Variants in UCHL3 observed in about 807,000 individuals in gnomAD.
The protein encoded by UCHL3 is ubiquitin C-terminal hydrolase L3, also known as ubiquitin carboxyl-terminal hydrolase isozyme L3.
A neutral mutation model predicts 35.8 loss-of-function variants in UCHL3; 22 were observed. The ratio of observed to expected loss-of-function variants is 0.61; its 90% CI spans 0.44 to 0.88. The LOEUF is 0.88. Among genes scored for constraint, UCHL3 ranks in the 40% least tolerant of loss-of-function variants. The pLI is 0.00. For synonymous variants in UCHL3, 90 were observed against 92.8 expected (o/e 0.97, Z 0.17); for missense variants, 229 against 276.9 (o/e 0.83, Z 1.23).
intron 2 of UCHL3, among the ~76,000 whole-genome samples, chr13:75,550,217 C>T (rs1016200033): frequency 6.6e-6 from 1 of 152,214 alleles, no homozygotes; most frequent in African/African-American, 2.4e-5. Flanking sequence ...GCAGTCACCA[C>T]GTATCTTGGG....
At chr13:75,571,227 A>G (rs1490315879) in intron 6 of UCHL3, among the ~76,000 whole-genome samples, 1 of 152,216 alleles carries the variant, frequency 6.6e-6, no homozygotes, top group Non-Finnish European at 1.5e-5. Context: ...GCTTTAATAC[A>G]TATTCACTAC....
chr13:75,579,031 G>T (rs890160489), intron 6 of UCHL3, among the ~76,000 whole-genome samples: 22 of 152,032 alleles, frequency 1.4e-4, no homozygotes, highest in African/African-American at 5.1e-4. Context: ...CTGAAGTATA[G>T]TTTTTAGTTA....
At chr13:75,600,610 G>C (rs551842647) in intron 7 of UCHL3, among the ~76,000 whole-genome samples, 1 of 152,322 alleles carries the variant, frequency 6.6e-6, no homozygotes, top group South Asian at 2.1e-4. Flanking sequence ...GCCCTCTGTT[G>C]AGACGTACTG....
chr13:75,580,503 A>G (rs1200059297), intron 6 of UCHL3, among the ~76,000 whole-genome samples: 1 of 152,118 alleles, frequency 6.6e-6, no homozygotes, highest in African/African-American at 2.4e-5. Context: ...GATGTTCCCA[A>G]TTATTTTCTT....
At chr13:75,600,994 T>C (rs1235903271) in intron 7 of UCHL3, among the ~76,000 whole-genome samples, 2 of 152,306 alleles carry the variant, frequency 1.3e-5, no homozygotes, top group East Asian at 3.9e-4. Context: ...TGGATGACTT[T>C]GAGGGGTTTA....
chr13:75,597,639 A>C (rs1269357587), intron 7 of UCHL3, among the ~76,000 whole-genome samples: 1 of 152,254 alleles, frequency 6.6e-6, no homozygotes, highest in Non-Finnish European at 1.5e-5. Context: ...TGCAAATACT[A>C]TACCATTTAG....
upstream of UCHL3, chr13:75,549,609 G>A: frequency 2.1e-6 from 1 of 470,214 alleles, no homozygotes; most frequent in Non-Finnish European, 3.6e-6. Flanking sequence ...TTTTCTCCTC[G>A]GCAGCATCTT....
intron 3 of UCHL3, among the ~76,000 whole-genome samples, chr13:75,564,297 C>T (rs2031615081): frequency 6.6e-6 from 1 of 151,904 alleles, no homozygotes; most frequent in East Asian, 1.9e-4. Context: ...ACTACAGGTG[C>T]CTGCCACCAC....
intron 6 of UCHL3, chr13:75,589,996 C>G (rs1260466393): frequency 7.7e-7 from 1 of 1,304,862 alleles, no homozygotes; most frequent in East Asian, 5.5e-5. Flanking sequence ...AAGGCCTCAT[C>G]ATTGTGTCAC....
intron 2 of UCHL3, among the ~76,000 whole-genome samples, chr13:75,556,673 G>C (rs1361982563): frequency 6.6e-6 from 1 of 152,206 alleles, no homozygotes; most frequent in African/African-American, 2.4e-5. Context: ...TCGTTTGTGT[G>C]TCTAGGTTTT....
At chr13:75,597,929 T>C (rs2032686539) in intron 7 of UCHL3, among the ~76,000 whole-genome samples, 1 of 152,142 alleles carries the variant, frequency 6.6e-6, no homozygotes, top group Non-Finnish European at 1.5e-5. Context: ...TCACCCTCCC[T>C]TTTCCTTGGG....
At chr13:75,577,852 T>C (rs921423146) in intron 6 of UCHL3, among the ~76,000 whole-genome samples, 4 of 152,166 alleles carry the variant, frequency 2.6e-5, no homozygotes, top group Non-Finnish European at 5.9e-5. Flanking sequence ...TAAAAAGTAA[T>C]TCCTAAAATT....
chr13:75,565,691 C>CCACAGCTATAGAGCCTACATTTT (rs2031660452), intron 3 of UCHL3, among the ~76,000 whole-genome samples: 1 of 152,160 alleles, frequency 6.6e-6, no homozygotes, highest in Non-Finnish European at 1.5e-5. Context: ...CAGATTTGGC[C>CCACAGCTATAGAGCCTACATTTT]TGTAGGCTGT....
chr13:75,559,095 A>G (rs2031396861), intron 2 of UCHL3, among the ~76,000 whole-genome samples: 1 of 123,264 alleles, frequency 8.1e-6, no homozygotes. Flanking sequence ...GCTGGAGTGC[A>G]GTGGCGCAAT....
At chr13:75,560,579 CT>C (rs1183422070) in intron 2 of UCHL3, among the ~76,000 whole-genome samples, 173 bp from the exon 3 acceptor site, 1 of 152,162 alleles carries the variant, frequency 6.6e-6, no homozygotes, top group Non-Finnish European at 1.5e-5. Flanking sequence ...ATATGTGCTG[CT>C]TTACTGCATT....
At position 75,560,887 on chromosome 13, in the gene UCHL3, T is replaced by C; in HGVS notation, c.183+6T>C. Reference sequence around the variant, plus strand: ...TCTTTCCTATTACAGAAAAGGTAATTGTTATGTAAAATAGAAAGTTTCTGG... The same window carrying C: ...TCTTTCCTATTACAGAAAAGGTAATCGTTATGTAAAATAGAAAGTTTCTGG... On this transcript the variant is annotated splice_donor_region_variant and intron_variant, in intron 3 of 8. Transcript: ENST00000377595. The C allele has an allele frequency of 6.6e-7, 1 of 1,505,954 alleles. No individual in the cohort carries two copies. Among genetic ancestry groups the C allele is most frequent in the Non-Finnish European group, 8.8e-7 (1 of 1,134,968 alleles). The allele number at this position is 1,505,954 out of a possible 1,614,324, so 93.3% of individuals were successfully genotyped here.
intron 2 of UCHL3, among the ~76,000 whole-genome samples, chr13:75,550,720 GTT>G (rs10581965): frequency 0.2 from 27,948 of 138,362 alleles, 3,123 homozygotes; most frequent in African/African-American, 0.32. Context: ...ATTTTACCCT[GTT>G]TTTTTTTTTT....
intron 6 of UCHL3, 95 bp from the exon 7 acceptor site, chr13:75,594,820 A>G (rs983397575): frequency 4.5e-6 from 4 of 886,550 alleles, no homozygotes; most frequent in Non-Finnish European, 7.0e-6. Context: ...ATGTTCTCTT[A>G]TATAATTTGA....
chr13:75,585,320 GAC>G (rs2032294014), intron 6 of UCHL3, among the ~76,000 whole-genome samples: 1 of 152,102 alleles, frequency 6.6e-6, no homozygotes, highest in Non-Finnish European at 1.5e-5. Context: ...ACATGAAAAA[GAC>G]AGAGTAGATA....
Sources: gnomAD v4.1 joint callset for allele counts (sites outside exome capture counted in the v4.1 genomes callset) on GRCh38, gnomAD v4.1.1 for gene constraint, MANE v1.5 for transcripts, NCBI Gene and HGNC (gene_info 2026-07-23, HGNC 2026-07-21) for gene names.